Variants in CNTN5 observed in about 807,000 individuals in gnomAD.
CNTN5 encodes contactin 5.
Under a neutral mutation model 129.1 loss-of-function variants are expected in CNTN5, and 77 were observed. The ratio of observed to expected loss-of-function variants is 0.60; its 90% confidence interval spans 0.50 to 0.72. The LOEUF is 0.72. Among genes scored for constraint, CNTN5 ranks in the 30% least tolerant of loss-of-function variants. CNTN5 has a pLI of 0.00. For missense variants in CNTN5, 1,478 were observed against 1,328.8 expected, an observed-to-expected ratio of 1.11 and a Z score of -1.75; for synonymous variants, 509 against 465.6, an observed-to-expected ratio of 1.09 and a Z score of -1.20.
chr11:99,029,741 T>A (rs1292557189), intron 1 of CNTN5, among the ~76,000 whole-genome samples: 1 of 152,130 alleles, frequency 6.6e-6, no homozygotes, highest in Non-Finnish European at 1.5e-5. Flanking sequence ...GGGATTTTGT[T>A]CCAAAGCAAG....
chr11:99,111,723 C>T (rs1857805024), intron 1 of CNTN5, among the ~76,000 whole-genome samples: 1 of 151,840 alleles, frequency 6.6e-6, no homozygotes, highest in South Asian at 2.1e-4. Context: ...AAAATTTATA[C>T]AGTTTGGGAT....
intron 6 of CNTN5, among the ~76,000 whole-genome samples, chr11:99,881,818 A>C (rs1354544194): frequency 6.6e-6 from 1 of 152,210 alleles, no homozygotes; most frequent in Non-Finnish European, 1.5e-5. Flanking sequence ...CTTGCAGTTT[A>C]TTCAGCCGAC....
intron 9 of CNTN5, among the ~76,000 whole-genome samples, chr11:100,050,189 G>A (rs905346714): frequency 3.9e-5 from 6 of 152,046 alleles, no homozygotes; most frequent in African/African-American, 9.7e-5. Flanking sequence ...TGTTTATTGT[G>A]GCACTATTCA....
chr11:99,318,773 G>T (rs115512634), intron 1 of CNTN5, among the ~76,000 whole-genome samples: 2,070 of 152,192 alleles, frequency 0.014, 41 homozygotes, highest in African/African-American at 0.046. Flanking sequence ...TTGTGTCAGT[G>T]GGATGTAGTT....
intron 4 of CNTN5, among the ~76,000 whole-genome samples, chr11:99,826,749 T>A (rs753427827): frequency 7.9e-5 from 12 of 152,214 alleles, no homozygotes; most frequent in Non-Finnish European, 1.8e-4. Context: ...AATAGGCTTC[T>A]TATTAAGGAG....
At position 99,799,104 on chromosome 11, in the gene CNTN5, CA is replaced by C. The variant is rs1009782837; in HGVS notation, c.56-20439del. 2.0e-5 allele frequency among the ~76,000 whole-genome samples: 3 copies of C among 152,096 alleles called. No homozygotes were observed. The East Asian group carries it at 5.8e-4, about 29-fold the overall frequency. ...TATAGAAATGTTACTGATTTTTGTA[CA>C]TTAATTTTGTACCTGAATCTTCACT... is the stretch of plus-strand genomic sequence containing the variant. On this transcript the variant is annotated intron_variant, in intron 3 of 24. Coordinates refer to ENST00000524871, the MANE Select transcript of CNTN5 (RefSeq NM_014361.4).
At chr11:99,691,429 G>A (rs1017059743) in intron 3 of CNTN5, among the ~76,000 whole-genome samples, 1 of 152,056 alleles carries the variant, frequency 6.6e-6, no homozygotes, top group East Asian at 1.9e-4. Context: ...CTGTGTCCCA[G>A]AGTTTCTGAT....
intron 2 of CNTN5, among the ~76,000 whole-genome samples, chr11:99,423,973 T>C (rs1943009309): frequency 6.6e-6 from 1 of 152,130 alleles, no homozygotes; most frequent in South Asian, 2.1e-4. Flanking sequence ...TCCCTTTTAT[T>C]TGTGGGTCAT....
chr11:100,191,165 T>A lies in CNTN5; in HGVS notation c.1620T>A (p.Asn540Lys). Residue 540 changes from asparagine to lysine, a missense_variant, in exon 14 of 25, where the codon AAT (asparagine) becomes AAA (lysine). By Grantham distance (94) the Asn-to-Lys change is moderately conservative. Coordinates refer to ENST00000524871, the MANE Select transcript of CNTN5 (RefSeq NM_014361.4). Reference sequence around the variant, plus strand: ...CAGACGGGAGTCTACGGATCCTAAATGCTTCCAAATCAGACGAGGGAAAGT... The same window carrying A: ...CAGACGGGAGTCTACGGATCCTAAAAGCTTCCAAATCAGACGAGGGAAAGT... Reference protein sequence around the residue: ...ILPDGSLRILNASKSDEGKYV... With the variant: ...ILPDGSLRILKASKSDEGKYV... 1 of 1,611,010 alleles carries A rather than the reference T, an allele frequency of 6.2e-7. No individual in the cohort carries two copies. Among genetic ancestry groups the A allele is most frequent in the Non-Finnish European group, 8.5e-7 (1 of 1,177,806 alleles).
chr11:100,136,821 A>G (rs1296088740), intron 13 of CNTN5, among the ~76,000 whole-genome samples: 1 of 151,814 alleles, frequency 6.6e-6, no homozygotes, highest in Non-Finnish European at 1.5e-5. Flanking sequence ...CAGAAGAAAC[A>G]AACACTTGGG....
intron 21 of CNTN5, among the ~76,000 whole-genome samples, chr11:100,321,722 C>T (rs1951700202): frequency 6.6e-6 from 1 of 151,896 alleles, no homozygotes; most frequent in Non-Finnish European, 1.5e-5. Flanking sequence ...AGGTACTTTT[C>T]TTCTATACCT....
At chr11:99,372,814 G>A (rs1424752491) in intron 2 of CNTN5, among the ~76,000 whole-genome samples, 1 of 152,158 alleles carries the variant, frequency 6.6e-6, no homozygotes, top group Non-Finnish European at 1.5e-5. Flanking sequence ...ATTGCTTACG[G>A]CATAAAGTTT....
chr11:99,774,588 A>G (rs369888123), intron 3 of CNTN5, among the ~76,000 whole-genome samples: 23 of 152,048 alleles, frequency 1.5e-4, no homozygotes, highest in African/African-American at 4.8e-4. Flanking sequence ...TGTCTCTCCA[A>G]CTGTCTTCCA....
chr11:99,291,040 T>A (rs187308699), intron 1 of CNTN5, among the ~76,000 whole-genome samples: 11 of 151,960 alleles, frequency 7.2e-5, no homozygotes, highest in Admixed American at 3.9e-4. Context: ...TGTGTCCAAA[T>A]GTAAAACTAA....
At chr11:100,047,870 C>T (rs547604965) in intron 9 of CNTN5, among the ~76,000 whole-genome samples, 9 of 152,156 alleles carry the variant, frequency 5.9e-5, no homozygotes, top group Admixed American at 2.0e-4. Context: ...CGGTGGTTCA[C>T]GCTGTAATCC....
intron 12 of CNTN5, 125 bp downstream of exon 12, chr11:100,071,959 A>G (rs1943939493): frequency 2.3e-6 from 2 of 884,466 alleles, no homozygotes; most frequent in Non-Finnish European, 1.6e-6. Flanking sequence ...GAAAAGAAAT[A>G]CTATGTCTTG....
At chr11:99,922,736 A>G (rs1162944698) in intron 7 of CNTN5, among the ~76,000 whole-genome samples, 1 of 152,202 alleles carries the variant, frequency 6.6e-6, no homozygotes, top group Non-Finnish European at 1.5e-5. Flanking sequence ...AGTAGATTAT[A>G]TGTTCTTTCA....
intron 2 of CNTN5, among the ~76,000 whole-genome samples, chr11:99,326,200 G>A (rs1013984714): frequency 6.6e-6 from 1 of 152,140 alleles, no homozygotes; most frequent in Admixed American, 6.5e-5. Flanking sequence ...ACCAGTAGAC[G>A]ATCTTGAATT....
At chr11:99,705,877 G>A (rs1954733599) in intron 3 of CNTN5, among the ~76,000 whole-genome samples, 1 of 151,372 alleles carries the variant, frequency 6.6e-6, no homozygotes, top group Non-Finnish European at 1.5e-5. Flanking sequence ...AATCTAATAA[G>A]GAATACAGAC....
Sources: allele counts gnomAD v4.1 joint callset (sites outside exome capture counted in the v4.1 genomes callset), GRCh38; gene constraint gnomAD v4.1.1; transcripts MANE v1.5; gene names NCBI Gene and HGNC (gene_info 2026-07-23, HGNC 2026-07-21).